The following PPFIBP2 variants were observed in gnomAD, a reference collection of about 807,000 sequenced individuals.
PPFIBP2 encodes liprin-beta-2.
Under a neutral mutation model 118.3 loss-of-function variants are expected in PPFIBP2, and 118 were observed. The observed-to-expected ratio is 1.00, with a 90% confidence interval of 0.86 to 1.16. PPFIBP2 has a LOEUF of 1.16. Ranked by LOEUF, PPFIBP2 falls within the 50% of genes most tolerant of loss-of-function variation. PPFIBP2 has a pLI of 0.00. For synonymous variants in PPFIBP2, 414 were observed against 397.4 expected (o/e 1.04, Z -0.50); for missense variants, 1,195 against 1,073.1 (o/e 1.11, Z -1.59).
Position 7,600,627 on chromosome 11 carries a change from G to T in PPFIBP2, c.486+2954G>T, listed in dbSNP as rs575857349. Reference sequence around the variant, plus strand: ...AGCCAAGGCGAGCCTGCTGCTCAAAGCCTCTGAAGGAAATCCTTTCACTGT... The same window carrying T: ...AGCCAAGGCGAGCCTGCTGCTCAAATCCTCTGAAGGAAATCCTTTCACTGT... On this transcript the variant is annotated intron_variant, in intron 5 of 23. Transcript: ENST00000299492. Among the ~76,000 whole-genome samples, 91 of 152,316 alleles carry T rather than the reference G, an allele frequency of 6.0e-4. 2 individuals carry two copies. In the South Asian group the frequency reaches 0.018, roughly 30 times the overall value.
At chr11:7,649,976 TAGAAGAGAAG>T (rs1027077457) in intron 21 of PPFIBP2, among the ~76,000 whole-genome samples, 1 of 151,874 alleles carries the variant, frequency 6.6e-6, no homozygotes, top group African/African-American at 2.4e-5. Context: ...GGTGTCACAG[TAGAAGAGAAG>T]AGAAGAGACA....
In PPFIBP2 at chr11:7,621,920, A is replaced by G. The variant is rs531397955; in HGVS notation, c.711+893A>G. Among the ~76,000 whole-genome samples, 6 of 152,330 alleles carry G rather than the reference A, an allele frequency of 3.9e-5. No homozygotes were observed. In the South Asian group the frequency reaches 1.2e-3, roughly 32 times the overall value. ...AAAACAATAACACACACTATAGAGA[A>G]TTTTCAAACCATAAAAAATTAAAGG... On this transcript the variant is annotated intron_variant, in intron 7 of 23. Transcript: ENST00000299492.
At chr11:7,571,009 C>T (rs1411017511) in intron 3 of PPFIBP2, among the ~76,000 whole-genome samples, 2 of 152,204 alleles carry the variant, frequency 1.3e-5, no homozygotes, top group African/African-American at 4.8e-5. Flanking sequence ...TTAGGAACCT[C>T]TCAGTTTACT....
intron 1 of PPFIBP2, among the ~76,000 whole-genome samples, chr11:7,538,731 G>A (rs976652234): frequency 5.7e-5 from 8 of 139,652 alleles, no homozygotes; most frequent in African/African-American, 2.0e-4. Flanking sequence ...GGGAATACCC[G>A]GTGCATAAAA....
intron 1 of PPFIBP2, among the ~76,000 whole-genome samples, chr11:7,522,367 G>A (rs780692646): frequency 2.6e-5 from 4 of 152,132 alleles, no homozygotes; most frequent in Non-Finnish European, 4.4e-5. Flanking sequence ...AAGGGGGAAG[G>A]GAAATGAAAG....
Position 7,651,791 on chromosome 11 carries a change from G to C in PPFIBP2, c.2383G>C (p.Glu795Gln). The C allele has an allele frequency of 6.2e-7, 1 of 1,613,946 alleles. No individual in the cohort carries two copies. The highest frequency in any genetic ancestry group is 1.1e-5 in the South Asian group (1 of 91,068). ...TCCGGAGGCTGAACAGGAGAAGCGA[G>C]AGAAAATGGCCTCACCAGCTTACAC... ...IGPEAEQEKR[E>Q]KMASPAYTPL... Residue 795 changes from glutamate to glutamine, a missense_variant, in exon 23 of 24, where the codon GAG becomes CAG. Physicochemically the swap from Glu to Gln is conservative, Grantham distance 29. Coordinates refer to ENST00000299492, the MANE Select transcript of PPFIBP2 (RefSeq NM_003621.5).
chr11:7,533,965 A>G (rs187888015), intron 1 of PPFIBP2, among the ~76,000 whole-genome samples: 28 of 152,376 alleles, frequency 1.8e-4, no homozygotes, highest in Admixed American at 1.4e-3. Flanking sequence ...GCACAGGGAA[A>G]GAAAGACAGA....
intron 6 of PPFIBP2, among the ~76,000 whole-genome samples, chr11:7,612,485 C>T (rs929449121): frequency 6.6e-6 from 1 of 152,222 alleles, no homozygotes; most frequent in African/African-American, 2.4e-5. Flanking sequence ...ATAATGCAGT[C>T]CCTTTACAGG....
chr11:7,568,987 G>A (rs901700570), intron 3 of PPFIBP2: 1 of 152,240 alleles, frequency 6.6e-6, no homozygotes, highest in African/African-American at 2.4e-5. Context: ...AATGTATCTT[G>A]TACTGCTGCT....
intron 2 of PPFIBP2, among the ~76,000 whole-genome samples, chr11:7,562,953 A>T (rs1263662459): frequency 0.024 from 972 of 40,452 alleles, 39 homozygotes; most frequent in African/African-American, 0.1. Context: ...ATATATATAT[A>T]TATATATATA....
chr11:7,589,102 G>T (rs543389033), intron 3 of PPFIBP2, among the ~76,000 whole-genome samples: 1 of 152,180 alleles, frequency 6.6e-6, no homozygotes, highest in Admixed American at 6.5e-5. Context: ...CAGAACAGAG[G>T]GGGAGGAAGT....
chr11:7,618,885 G>GTTTTTTTTT (rs36101082), intron 6 of PPFIBP2, among the ~76,000 whole-genome samples: 1 of 124,552 alleles, frequency 8.0e-6, no homozygotes, highest in African/African-American at 3.1e-5. Context: ...CCATCCAGAA[G>GTTTTTTTTT]TTTTTTTTTT....
chr11:7,665,439 G>A, the PPFIBP2 span: 7 of 1,613,360 alleles, frequency 4.3e-6, no homozygotes, highest in East Asian at 2.2e-5. Flanking sequence ...GCCGCCGTCT[G>A]GATTAGTGGT....
intron 4 of PPFIBP2, among the ~76,000 whole-genome samples, chr11:7,596,108 T>A (rs901149557): frequency 6.6e-6 from 1 of 152,196 alleles, no homozygotes; most frequent in African/African-American, 2.4e-5. Flanking sequence ...TATAGAATGC[T>A]AGAGATCCTA....
chr11:7,569,184 G>C (rs1186333699), intron 3 of PPFIBP2: 3 of 152,382 alleles, frequency 2.0e-5, no homozygotes, highest in African/African-American at 7.2e-5. Flanking sequence ...GCCTCCTATT[G>C]GGTAGCTGTT....
downstream of PPFIBP2, among the ~76,000 whole-genome samples, chr11:7,661,337 G>C (rs1410811295): frequency 6.7e-6 from 1 of 149,930 alleles, no homozygotes; most frequent in Non-Finnish European, 1.5e-5. Context: ...CAGAGATTCT[G>C]GTATGTTGTG....
intron 3 of PPFIBP2, among the ~76,000 whole-genome samples, chr11:7,570,133 C>T (rs1855491890): frequency 8.8e-6 from 1 of 113,032 alleles, no homozygotes; most frequent in South Asian, 3.6e-4. Flanking sequence ...GTCTCTACCC[C>T]TCCACACCTG....
chr11:7,603,493 G>C (rs1010806211), intron 5 of PPFIBP2, among the ~76,000 whole-genome samples: 3 of 152,114 alleles, frequency 2.0e-5, no homozygotes, highest in African/African-American at 4.8e-5. Flanking sequence ...TTCCTTTCAT[G>C]CCTTTCCATG....
chr11:7,524,091 G>T (rs1850005970), intron 1 of PPFIBP2, among the ~76,000 whole-genome samples: 1 of 151,968 alleles, frequency 6.6e-6, no homozygotes, highest in African/African-American at 2.4e-5. Flanking sequence ...GGAACTACTT[G>T]GTTGACAACT....
Sources: gnomAD v4.1 joint callset for allele counts (sites outside exome capture counted in the v4.1 genomes callset) on GRCh38, gnomAD v4.1.1 for gene constraint, MANE v1.5 for transcripts, NCBI Gene and HGNC (gene_info 2026-07-23, HGNC 2026-07-21) for gene names.